The following EPM2A variants were observed in gnomAD, a reference collection of about 807,000 sequenced individuals.
EPM2A encodes the protein laforin.
Under a neutral mutation model 26.5 loss-of-function variants are expected in EPM2A, and 21 were observed. The observed-to-expected ratio is 0.79, with a 90% confidence interval of 0.56 to 1.14. The LOEUF (loss-of-function observed/expected upper bound fraction) is 1.14. Among genes scored for constraint, EPM2A ranks in the 50% most tolerant of loss-of-function variants. The pLI, the probability that EPM2A is intolerant of heterozygous loss-of-function variation, is 0.00. For synonymous variants in EPM2A, 217 were observed against 177.6 expected, an observed-to-expected ratio of 1.22 and a Z score of -1.76; for missense variants, 458 against 440.8, an observed-to-expected ratio of 1.04 and a Z score of -0.35.
Position 145,625,753 on chromosome 6 carries a change from T to G in EPM2A, c.*1663A>C. 9.5e-7 allele frequency: 1 copy of G among 1,055,716 alleles called. No homozygotes were observed. Among genetic ancestry groups the G allele is most frequent in the Non-Finnish European group, 1.5e-6 (1 of 672,924 alleles). The allele number at this position is 1,055,716 out of a possible 1,614,324, so 65.4% of individuals were successfully genotyped here. A position where few individuals can be genotyped will look rare whatever the true frequency, so the allele number is the denominator to read the frequency against. On this transcript the variant is annotated 3_prime_UTR_variant, in exon 4 of 4. Transcript: ENST00000367519. ...TGCCCAAAGCAAATGTCATCTCCCC[T>G]AAGTGCCACAGTTCTATCTCCCCGT...
In EPM2A at chr6:145,626,922, T is replaced by C. The variant is rs1163475944; in HGVS notation, c.*494A>G. On this transcript the variant is annotated 3_prime_UTR_variant, in exon 4 of 4. Coordinates refer to ENST00000367519, the MANE Select transcript of EPM2A (RefSeq NM_005670.4). Reference sequence around the variant, plus strand: ...CCTGAAAGCCATCACTTTTTGACCATAGTGAGCTCTTCTTTTGTAACGGTT... The same window carrying C: ...CCTGAAAGCCATCACTTTTTGACCACAGTGAGCTCTTCTTTTGTAACGGTT... 4 of 1,007,164 alleles carry C rather than the reference T, an allele frequency of 4.0e-6. No individual in the cohort carries two copies. The highest frequency in any genetic ancestry group is 9.5e-5 in the East Asian group (1 of 10,532). 62.4% of individuals were successfully genotyped at this position (1,007,164 alleles called of 1,614,324 possible).
chr6:145,734,947 C>A (rs1420925932), intron 1 of EPM2A: 3 of 272,454 alleles, frequency 1.1e-5, no homozygotes, highest in Admixed American at 5.5e-5. Context: ...ACAGAGTGGG[C>A]GGGAAGGCGG....
At chr6:145,544,473 T>C (rs1780556672) in intron 2 of EPM2A, among the ~76,000 whole-genome samples, 1 of 152,204 alleles carries the variant, frequency 6.6e-6, no homozygotes, top group African/African-American at 2.4e-5. Context: ...GCAATCAGAA[T>C]TACCCAGAAC....
intron 2 of EPM2A, among the ~76,000 whole-genome samples, chr6:145,594,177 T>C (rs1781310006): frequency 6.6e-6 from 1 of 151,904 alleles, no homozygotes; most frequent in South Asian, 2.1e-4. Context: ...AATGGGCCAG[T>C]ACCTTAAAAG....
intron 4 of EPM2A, among the ~76,000 whole-genome samples, chr6:145,466,279 C>T (rs1779391828): frequency 6.6e-6 from 1 of 151,046 alleles, no homozygotes; most frequent in South Asian, 2.1e-4. Context: ...CTACAATGAA[C>T]TCAAACAAAT....
At chr6:145,715,757 G>A (rs958494719) in intron 1 of EPM2A, among the ~76,000 whole-genome samples, 1 of 152,102 alleles carries the variant, frequency 6.6e-6, no homozygotes, top group Non-Finnish European at 1.5e-5. Flanking sequence ...TAGGTTGTGG[G>A]CTCCTTATGA....
rs1775906080 is a variant in EPM2A, at chr6:145,627,533, C to T, written c.879G>A (p.Gln293=). The change falls in exon 4 of 4, where the codon CAG becomes CAA. Residue 293 remains glutamine (Q), a synonymous_variant. Coordinates refer to ENST00000367519, the MANE Select transcript of EPM2A (RefSeq NM_005670.4). The part of the protein sequence containing the change: ...YVMGWNLRKV[Q]YFLMAKRPAV... Reference sequence around the variant, plus strand: ...CCGGCCTCTTGGCCATGAGGAAATACTGCACCTTCCTCAGATTCCAGCCCA... The same window carrying T: ...CCGGCCTCTTGGCCATGAGGAAATATTGCACCTTCCTCAGATTCCAGCCCA... The T allele has an allele frequency of 6.2e-7, 1 of 1,614,122 alleles. No homozygotes were observed. Among genetic ancestry groups the T allele is most frequent in the Non-Finnish European group, 8.5e-7 (1 of 1,180,036 alleles).
intron 1 of EPM2A, among the ~76,000 whole-genome samples, chr6:145,727,622 CAT>C (rs1363464422): frequency 6.6e-6 from 1 of 152,132 alleles, no homozygotes; most frequent in East Asian, 1.9e-4. Context: ...ATAAAATACA[CAT>C]AGTCCCTACA....
intron 2 of EPM2A, among the ~76,000 whole-genome samples, chr6:145,651,706 G>A (rs1200936676): frequency 6.6e-6 from 1 of 152,110 alleles, no homozygotes; most frequent in Non-Finnish European, 1.5e-5. Flanking sequence ...AAAAAGGAGT[G>A]GAAAGTGTAG....
At chr6:145,649,896 C>T (rs1202470869) in intron 2 of EPM2A, among the ~76,000 whole-genome samples, 3 of 152,104 alleles carry the variant, frequency 2.0e-5, no homozygotes, top group African/African-American at 4.8e-5. Flanking sequence ...TATAATGTGT[C>T]GGGAAACCCA....
In EPM2A at chr6:145,627,313, C is replaced by T. The variant is rs1582911649; in HGVS notation, c.*103G>A. 6 of 1,596,054 alleles carry T rather than the reference C, an allele frequency of 3.8e-6. No individual in the cohort carries two copies. Among genetic ancestry groups the T allele is most frequent in the Non-Finnish European group, 3.4e-6 (4 of 1,177,052 alleles). ...AGTGGTTGGCTTGGGGGAGGTCACA[C>T]AGTCCTTTCAGTTCAGGTAGAATCC... On this transcript the variant is annotated 3_prime_UTR_variant, in exon 4 of 4. Transcript: ENST00000367519.
At chr6:145,637,113 G>A (rs1298541048) in intron 2 of EPM2A, 4 of 152,116 alleles carry the variant, frequency 2.6e-5, no homozygotes, top group Admixed American at 6.5e-5. Context: ...GACTGAAACC[G>A]TGGATGCACA....
intron 2 of EPM2A, among the ~76,000 whole-genome samples, chr6:145,655,876 T>C (rs1192874359): frequency 1.3e-5 from 2 of 152,168 alleles, no homozygotes; most frequent in Non-Finnish European, 2.9e-5. Context: ...ATCAGCTATA[T>C]CATAAGGCAA....
chr6:145,574,209 C>T (rs1399783978), intron 2 of EPM2A, among the ~76,000 whole-genome samples: 2 of 151,986 alleles, frequency 1.3e-5, no homozygotes, highest in Admixed American at 6.6e-5. Flanking sequence ...CTTGTCCACT[C>T]GACCTATAAG....
intron 4 of EPM2A, among the ~76,000 whole-genome samples, chr6:145,414,176 C>G (rs1778678675): frequency 6.6e-6 from 1 of 152,176 alleles, no homozygotes; most frequent in Non-Finnish European, 1.5e-5. Flanking sequence ...AGCACAAGTA[C>G]AGCCATTCCC....
chr6:145,624,644 C>T (rs1337641501), downstream of EPM2A, among the ~76,000 whole-genome samples: 3 of 152,212 alleles, frequency 2.0e-5, no homozygotes, highest in Admixed American at 2.0e-4. Context: ...TCTAAAGACA[C>T]TTTCAGCTTT....
At chr6:145,710,800 A>G (rs1775271493) in intron 1 of EPM2A, among the ~76,000 whole-genome samples, 2 of 152,046 alleles carry the variant, frequency 1.3e-5, no homozygotes, top group Non-Finnish European at 2.9e-5. Flanking sequence ...CACAAAAAAT[A>G]ATGAGTTCAT....
At chr6:145,383,934 A>T (rs1279904601) in exon 5 of EPM2A, 3 of 152,220 alleles carry the variant, frequency 2.0e-5, no homozygotes, top group Non-Finnish European at 2.9e-5. Context: ...ATGTTGATAG[A>T]TTCTTAATGT....
intron 3 of EPM2A, chr6:145,628,708 T>C (rs9376956): frequency 0.47 from 71,040 of 152,060 alleles, 17,244 homozygotes; most frequent in African/African-American, 0.58. Flanking sequence ...ACACAAGAGT[T>C]CTTTGTGGCT....
Sources: allele counts gnomAD v4.1 joint callset (sites outside exome capture counted in the v4.1 genomes callset), GRCh38; gene constraint gnomAD v4.1.1; transcripts MANE v1.5; gene names NCBI Gene and HGNC (gene_info 2026-07-23, HGNC 2026-07-21).